The following PAPPA2 variants were observed in gnomAD, a reference collection of about 807,000 sequenced individuals.
The protein encoded by PAPPA2 is pappalysin 2, also known as pappalysin-2.
A neutral mutation model predicts 176.4 loss-of-function variants in PAPPA2; 86 were observed. The ratio of observed to expected loss-of-function variants is 0.49; its 90% CI spans 0.41 to 0.58. The LOEUF is 0.58. Among genes scored for constraint, PAPPA2 ranks in the 20% least tolerant of loss-of-function variants. PAPPA2 has a pLI of 0.00. For synonymous variants in PAPPA2, 809 were observed against 852.2 expected, an observed-to-expected ratio of 0.95 and a Z score of 0.88; for missense variants, 2,073 against 2,256.9, an observed-to-expected ratio of 0.92 and a Z score of 1.65.
At chr1:176,729,270 G>C (rs1260336242) in intron 12 of PAPPA2, among the ~76,000 whole-genome samples, 1 of 151,836 alleles carries the variant, frequency 6.6e-6, no homozygotes, top group East Asian at 1.9e-4. Context: ...TTGTAGTCTC[G>C]AGTTGATTAT....
rs1651349095 is a variant in PAPPA2, at chr1:176,557,009, CAG to C, written c.688_689del (p.Arg230GlyfsTer25). Reference protein sequence around the residue: ...QPWPKHSLKHRVKKSPPEESN... With the variant: ...QPWPKHSLKHXVKKSPPEESN... The stretch of plus-strand genomic sequence containing the variant: ...CTTGGCCCAAGCATTCCCTTAAACA[CAG>C]GGTCAAAAAGAGTCCACCGGAGGAA... On this transcript the variant is annotated frameshift_variant, in exon 2 of 23. Coordinates refer to ENST00000367662, the MANE Select transcript of PAPPA2 (RefSeq NM_020318.3). LOFTEE classifies it high-confidence loss of function. 6.2e-7 allele frequency: 1 copy of C among 1,613,904 alleles called. No homozygotes were observed. Among genetic ancestry groups the C allele is most frequent in the Admixed American group, 1.7e-5 (1 of 59,992 alleles).
intron 14 of PAPPA2, among the ~76,000 whole-genome samples, chr1:176,746,414 C>CT (rs1392644732): frequency 6.6e-5 from 10 of 151,562 alleles, no homozygotes; most frequent in South Asian, 6.2e-4. Flanking sequence ...TTCTTTTTTT[C>CT]TTTTTTTTAG....
intron 17 of PAPPA2, among the ~76,000 whole-genome samples, chr1:176,777,653 G>A (rs1213811818): frequency 6.6e-6 from 1 of 152,052 alleles, no homozygotes; most frequent in Non-Finnish European, 1.5e-5. Flanking sequence ...TTTTGACCTT[G>A]AGCAAGTTAC....
chr1:176,775,363 G>A (rs1168012433), intron 17 of PAPPA2, among the ~76,000 whole-genome samples: 1 of 152,016 alleles, frequency 6.6e-6, no homozygotes, highest in African/African-American at 2.4e-5. Context: ...TTTCTTATGC[G>A]GTGATAGAGA....
intron 3 of PAPPA2, among the ~76,000 whole-genome samples, chr1:176,623,582 C>A (rs1174001616): frequency 3.0e-5 from 2 of 66,766 alleles, no homozygotes. Context: ...TTCCCTCCTT[C>A]CTTCCTTCCT....
chr1:176,725,855 A>C (rs1661844605), intron 12 of PAPPA2, among the ~76,000 whole-genome samples: 1 of 152,140 alleles, frequency 6.6e-6, no homozygotes, highest in South Asian at 2.1e-4. Context: ...ATCTCGGCTC[A>C]CTGCAAGCTC....
chr1:176,525,017 G>A (rs2102543524), intron 1 of PAPPA2, among the ~76,000 whole-genome samples: 1 of 152,280 alleles, frequency 6.6e-6, no homozygotes, highest in Non-Finnish European at 1.5e-5. Context: ...ACTCCAGCCT[G>A]GCCTACAGAA....
chr1:176,542,227 G>A (rs533852436), intron 1 of PAPPA2, among the ~76,000 whole-genome samples: 1 of 152,236 alleles, frequency 6.6e-6, no homozygotes, highest in South Asian at 2.1e-4. Context: ...ATAAAAATGG[G>A]ATTTCTGAGA....
At chr1:176,714,002 C>G (rs1661258466) in intron 12 of PAPPA2, among the ~76,000 whole-genome samples, 1 of 152,154 alleles carries the variant, frequency 6.6e-6, no homozygotes. Context: ...TCTTTTAACT[C>G]TAACTCCCTT....
At chr1:176,671,231 A>T in intron 4 of PAPPA2, 116 bp downstream of exon 4, 1 of 1,356,818 alleles carries the variant, frequency 7.4e-7, no homozygotes, top group Non-Finnish European at 1.0e-6. Flanking sequence ...TTACACAGTG[A>T]ATTAACTGCT....
At chr1:176,592,283 A>T (rs530577996) in intron 2 of PAPPA2, among the ~76,000 whole-genome samples, 117 of 152,336 alleles carry the variant, frequency 7.7e-4, no homozygotes, top group African/African-American at 2.7e-3. Flanking sequence ...TTAATAAATT[A>T]GAGAGCAAAT....
chr1:176,757,547 T>A (rs1023782740), intron 14 of PAPPA2, among the ~76,000 whole-genome samples: 3 of 152,106 alleles, frequency 2.0e-5, no homozygotes, highest in Non-Finnish European at 4.4e-5. Context: ...TACGTTTTGA[T>A]GGGCTTGTTT....
At chr1:176,834,249 G>A (rs1439186675) in intron 21 of PAPPA2, among the ~76,000 whole-genome samples, 1 of 152,184 alleles carries the variant, frequency 6.6e-6, no homozygotes. Flanking sequence ...ACAGCTTTCT[G>A]AGTCCAGGAA....
In PAPPA2 at chr1:176,550,077, T is replaced by C. The variant is rs150476001; in HGVS notation, c.-916-5330T>C. Among the ~76,000 whole-genome samples, 244 of 152,352 alleles carry C rather than the reference T, an allele frequency of 1.6e-3. 3 individuals are homozygous for C. Among genetic ancestry groups the C allele is most frequent in the African/African-American group, 5.7e-3 (236 of 41,592 alleles). ...TCAAGGCTTTGCCTTTTTCAGAATG[T>C]CATAGAAATGGAATCGCACAGTTTG... On this transcript the variant is annotated intron_variant, in intron 1 of 22. Coordinates refer to ENST00000367662, the MANE Select transcript of PAPPA2 (RefSeq NM_020318.3).
intron 3 of PAPPA2, among the ~76,000 whole-genome samples, chr1:176,664,939 C>T (rs896948010): frequency 6.6e-6 from 1 of 152,130 alleles, no homozygotes; most frequent in Non-Finnish European, 1.5e-5. Flanking sequence ...ACCACTATGT[C>T]TCTTCTTTCT....
At chr1:176,518,443 C>A (rs1649033098) in intron 1 of PAPPA2, among the ~76,000 whole-genome samples, 1 of 140,696 alleles carries the variant, frequency 7.1e-6, no homozygotes, top group Non-Finnish European at 1.5e-5. Context: ...TTGTGGAAAG[C>A]TTGACAGGTA....
intron 3 of PAPPA2, among the ~76,000 whole-genome samples, chr1:176,652,404 CT>C (rs1462232577): frequency 6.6e-6 from 1 of 151,592 alleles, no homozygotes; most frequent in Non-Finnish European, 1.5e-5. Context: ...TAAATGGCAC[CT>C]TAAGTCCAGA....
intron 12 of PAPPA2, among the ~76,000 whole-genome samples, chr1:176,726,461 A>G (rs1447397544): frequency 6.6e-6 from 1 of 152,218 alleles, no homozygotes; most frequent in East Asian, 1.9e-4. Context: ...GAATGCATGA[A>G]TAAATGACGA....
intron 3 of PAPPA2, among the ~76,000 whole-genome samples, chr1:176,643,043 A>C (rs1657188093): frequency 6.6e-6 from 1 of 151,888 alleles, no homozygotes; most frequent in African/African-American, 2.4e-5. Flanking sequence ...ACCTCACTGA[A>C]TCCAAAATTA....
Sources: gnomAD v4.1 joint callset for allele counts (sites outside exome capture counted in the v4.1 genomes callset) on GRCh38, gnomAD v4.1.1 for gene constraint, MANE v1.5 for transcripts, NCBI Gene and HGNC (gene_info 2026-07-23, HGNC 2026-07-21) for gene names.